The following UNC93B1 variants were observed in gnomAD, a reference collection of about 807,000 sequenced individuals.
UNC93B1 encodes the protein protein unc-93 homolog B1.
A neutral mutation model predicts 56.8 loss-of-function variants in UNC93B1; 33 were observed. That is an observed-to-expected ratio of 0.58 (90% CI 0.44 to 0.78). UNC93B1 has a LOEUF of 0.78. Among genes scored for constraint, UNC93B1 ranks in the 30% least tolerant of loss-of-function variants. The pLI, the probability that UNC93B1 is intolerant of heterozygous loss-of-function variation, is 0.00. For missense variants in UNC93B1, 673 were observed against 819.5 expected, an observed-to-expected ratio of 0.82 and a Z score of 2.18; for synonymous variants, 334 against 358.6, an observed-to-expected ratio of 0.93 and a Z score of 0.77.
Position 68,003,547 on chromosome 11 carries a change from G to T in UNC93B1, c.238+110C>A. On this transcript the variant is annotated intron_variant, in intron 2 of 10. Coordinates refer to ENST00000227471, the MANE Select transcript of UNC93B1 (RefSeq NM_030930.4). The surrounding 1 kb of genome is among the most constrained non-coding windows in gnomAD (Gnocchi z 4.4). ...GGGGGGCCGTGGCTGCAGCTGCGAG[G>T]GCAGCGGAGGGGAAGTGAGAGCGGG... 3 of 1,391,148 alleles carry T rather than the reference G, an allele frequency of 2.2e-6. No homozygotes were observed. Among genetic ancestry groups the T allele is most frequent in the Non-Finnish European group, 2.8e-6 (3 of 1,066,994 alleles). The allele number at this position is 1,391,148 out of a possible 1,614,324, so 86.2% of individuals were successfully genotyped here. A position where few individuals can be genotyped will look rare whatever the true frequency, so the allele number is the denominator to read the frequency against.
At position 67,997,817 on chromosome 11, in the gene UNC93B1, G is replaced by A. The variant is rs377098262; in HGVS notation, c.782-18C>T. 4.2e-5 allele frequency: 68 copies of A among 1,602,114 alleles called. No homozygotes were observed. Among genetic ancestry groups the A allele is most frequent in the Non-Finnish European group, 4.8e-5 (56 of 1,178,508 alleles). The stretch of plus-strand genomic sequence containing the variant: ...GTTGGTGCCTGGGAAGGGTGGGGGT[G>A]AGGGCACCGTGAGCAGAGAGTAGGG... On this transcript the variant is annotated intron_variant, in intron 6 of 10. Coordinates refer to ENST00000227471, the MANE Select transcript of UNC93B1 (RefSeq NM_030930.4).
At position 67,995,571 on chromosome 11, in the gene UNC93B1, G is replaced by GCCC. The variant is rs753085511; in HGVS notation, c.1363+37_1363+39dup. 23 of 178,350 alleles carry GCCC rather than the reference G, an allele frequency of 1.3e-4. No homozygotes were observed. In the African/African-American group the frequency reaches 1.4e-3, roughly 11 times the overall value. 11.0% of individuals were successfully genotyped at this position (178,350 alleles called of 1,614,324 possible). On this transcript the variant is annotated intron_variant, in intron 9 of 10. Transcript: ENST00000227471. ...CCCACAGATAGCCATAAAGCCCCCTGCCCCGCCCCCCCCCCCCCAGTGCCC... is the reference window on the plus strand; with the variant it reads ...CCCACAGATAGCCATAAAGCCCCCTGCCCCCCCGCCCCCCCCCCCCCAGTGCCC...
chr11:68,003,674 G>C lies in UNC93B1; in HGVS notation c.221C>G (p.Thr74Ser). ...VLAASAGGML[T>S]YGVYLGLLQM... ...GCACCTACCCAGGTAGACGCCGTAG[G>C]TGAGCATGCCCCCGGCGCTGGCAGC... The change falls in exon 2 of 11, where the codon ACC becomes AGC. Residue 74 changes from threonine to serine, a missense_variant. By Grantham distance (58) the Thr-to-Ser change is moderately conservative. This residue lies in a region of UNC93B1 where 438 missense variants were observed against 465.9 expected (regional missense o/e 0.94). Transcript: ENST00000227471. This position sits in a 1 kb window ranked among gnomAD's most constrained non-coding sequence, Gnocchi z 4.4. 1 of 1,529,330 alleles carries C rather than the reference G, an allele frequency of 6.5e-7. No homozygotes were observed. The highest frequency in any genetic ancestry group is 8.7e-7 in the Non-Finnish European group (1 of 1,143,240). 94.7% of individuals were successfully genotyped at this position (1,529,330 alleles called of 1,614,324 possible).
chr11:67,998,219 C>T (rs2134362778), intron 6 of UNC93B1, 140 bp downstream of exon 6: 1 of 969,212 alleles, frequency 1.0e-6, no homozygotes, highest in Non-Finnish European at 1.6e-6. Context: ...CTACTTACTC[C>T]TACAGGGCCC....
Position 67,996,792 on chromosome 11 carries a change from C to T in UNC93B1, c.907-8G>A. On this transcript the variant is annotated splice_polypyrimidine_tract_variant and splice_region_variant and intron_variant, in intron 7 of 10. Coordinates refer to ENST00000227471, the MANE Select transcript of UNC93B1 (RefSeq NM_030930.4). ...TCCGCACAAACCCAGCACCTGCGAA[C>T]CCATTACTTGAAGGGGCGGCCAGCC... 1.3e-6 allele frequency: 2 copies of T among 1,535,674 alleles called. No individual in the cohort carries two copies. Among genetic ancestry groups the T allele is most frequent in the Non-Finnish European group, 1.8e-6 (2 of 1,135,168 alleles).
intron 3 of UNC93B1, among the ~76,000 whole-genome samples, chr11:68,000,396 G>A (rs1460222236): frequency 6.6e-6 from 1 of 152,196 alleles, no homozygotes; most frequent in African/African-American, 2.4e-5. Flanking sequence ...CAGGCACAGT[G>A]GCTCACATCT....
rs757812939 is a variant in UNC93B1 at position 67,995,707 on chromosome 11, C to T, written c.1267G>A (p.Ala423Thr). 9 of 1,548,350 alleles carry T rather than the reference C, an allele frequency of 5.8e-6. No individual in the cohort carries two copies. Among genetic ancestry groups the T allele is most frequent in the Non-Finnish European group, 7.8e-6 (9 of 1,146,906 alleles). ...LLLTFILFFWAPVPRVLQHSW... is the reference protein window; with the variant it reads ...LLLTFILFFWTPVPRVLQHSW... ...TGTTGCAGGACCCGAGGCACAGGGG[C>T]CCAGAAAAAGAGGATGAAGGTGAGC... The change falls in exon 9 of 11, where the codon GCC (alanine) becomes ACC (threonine). Residue 423 changes from alanine (A) to threonine (T), a missense_variant. Transcript: ENST00000227471.
At chr11:67,992,675 T>G (rs573663293) in intron 10 of UNC93B1, among the ~76,000 whole-genome samples, 30 of 148,684 alleles carry the variant, frequency 2.0e-4, no homozygotes, top group African/African-American at 7.5e-4. Flanking sequence ...CCTTTTTTTT[T>G]TTTTTGGAAG....
chr11:67,998,546 G>T, intron 5 of UNC93B1, 94 bp from the exon 6 acceptor site: 2 of 1,245,172 alleles, frequency 1.6e-6, no homozygotes, highest in Non-Finnish European at 2.3e-6. Context: ...CACAGCCTTG[G>T]GGGAACAGGG....
intron 5 of UNC93B1, 63 bp from the exon 6 acceptor site, chr11:67,998,515 T>C: frequency 6.4e-7 from 1 of 1,555,326 alleles, no homozygotes; most frequent in South Asian, 1.1e-5. Flanking sequence ...GACACAGGCA[T>C]GGTCTGGGGA....
At position 67,991,840 on chromosome 11, in the gene UNC93B1, C is replaced by T. The variant is rs756401436; in HGVS notation, c.1500G>A (p.Leu500=). ...CCGCGGCCGCCACCAGCGTCACCAG[C>T]AGCACCGCCAGCTTAGCCTGGGCGT... ...SLHMKAKLAV[L]LVTLVAAAVS... is the part of the protein sequence containing the mutation. The change falls in exon 11 of 11, where the codon CTG becomes CTA. Residue 500 remains leucine (L), a synonymous_variant. Coordinates refer to ENST00000227471, the MANE Select transcript of UNC93B1 (RefSeq NM_030930.4). The T allele has an allele frequency of 1.7e-5, 26 of 1,567,906 alleles. No individual in the cohort carries two copies. Among genetic ancestry groups the T allele is most frequent in the Middle Eastern group, 2.3e-4 (1 of 4,416 alleles).
In UNC93B1 at chr11:67,996,698, G is replaced by A. The variant is rs370873619; in HGVS notation, c.993C>T (p.Pro331=). 7.7e-6 allele frequency: 12 copies of A among 1,552,046 alleles called. No homozygotes were observed. Among genetic ancestry groups the A allele is most frequent in the African/African-American group, 6.8e-5 (5 of 73,066 alleles). Residue 331 remains proline, a synonymous_variant, in exon 8 of 11, where the codon CCC becomes CCT. Transcript: ENST00000227471. ...GGCGGTAGTCACGCACGTGCTTGAA[G>A]GGCAGCTGGAAGATGTTGCCCCAGC... ...SVGWGNIFQL[P]FKHVRDYRLR...
At chr11:67,994,214 C>T (rs1042429252) in intron 9 of UNC93B1, among the ~76,000 whole-genome samples, 42 of 152,164 alleles carry the variant, frequency 2.8e-4, no homozygotes, top group Admixed American at 2.0e-4. Context: ...TGAAGCTAAG[C>T]ATGGAGAGGG....
rs941866458 is a variant in UNC93B1, at chr11:67,995,895, A to G, written c.1090-11T>C. ...GCACACGCCATAGCCCTGCGGGGGG[A>G]CAAGGGGTGAGTGTTGAAGTCTGGA... On this transcript the variant is annotated splice_polypyrimidine_tract_variant and intron_variant, in intron 8 of 10. Transcript: ENST00000227471. 2.0e-6 allele frequency: 3 copies of G among 1,485,610 alleles called. No individual in the cohort carries two copies. The African/African-American group carries it at 4.2e-5, about 21-fold the overall frequency. The allele number at this position is 1,485,610 out of a possible 1,614,324, so 92.0% of individuals were successfully genotyped here.
chr11:68,002,300 G>C lies in UNC93B1; in HGVS notation c.392+722C>G, dbSNP rs1048408720. On this transcript the variant is annotated intron_variant, in intron 3 of 10. Coordinates refer to ENST00000227471, the MANE Select transcript of UNC93B1 (RefSeq NM_030930.4). ...TGCTGGTGGGACAGCATGGGTAGCC[G>C]ATTTCCTGGAGGGCTTAGATGGGGT... Among the ~76,000 whole-genome samples the C allele has an allele frequency of 2.6e-5, 4 of 152,216 alleles. No individual in the cohort carries two copies. The South Asian group carries it at 6.2e-4, about 24-fold the overall frequency.
intron 3 of UNC93B1, 55 bp from the exon 4 acceptor site, chr11:67,999,735 T>C (rs1857014623): frequency 6.3e-7 from 1 of 1,580,216 alleles, no homozygotes. Context: ...CACTGTGGCC[T>C]GAAGCCAAAC....
In UNC93B1 at chr11:68,003,148, T is replaced by C; in HGVS notation, c.266A>G (p.His89Arg). The change falls in exon 3 of 11, where the codon CAC becomes CGC. Residue 89 changes from histidine (H) to arginine (R), a missense_variant. Physicochemically the swap from His to Arg is conservative, Grantham distance 29. Around this residue, in one of 3 missense-constraint regions of UNC93B1, gnomAD observed 438 missense variants for 465.9 expected, o/e 0.94. Transcript: ENST00000227471. The surrounding 1 kb of genome is among the most constrained non-coding windows in gnomAD (Gnocchi z 4.4). ...CACCTCGCGGTAGGTCTCGTCGTAG[T>C]GCAGGATCAGCTGCATCTGCAGGAG... ...LGLLQMQLIL[H>R]YDETYREVKY... The C allele has an allele frequency of 5.0e-6, 8 of 1,613,040 alleles. No individual in the cohort carries two copies. Among genetic ancestry groups the C allele is most frequent in the Non-Finnish European group, 6.8e-6 (8 of 1,179,790 alleles).
In UNC93B1 at chr11:67,995,819, G is replaced by A. The variant is rs200930438; in HGVS notation, c.1155C>T (p.Gly385=). The A allele has an allele frequency of 2.1e-3, 3,251 of 1,545,570 alleles. 19 individuals are homozygous for A. In the African/African-American group the frequency reaches 0.022, roughly 11 times the overall value. ...GGCCCAGGAGTGAGGCGGCTGAGGC[G>A]CCCAGGCTGTAAGCCACGAGGAGGT... ...LAYLLVAYSL[G]ASAASLLGLL... The change falls in exon 9 of 11, where the codon GGC becomes GGT. Residue 385 remains glycine (G), a synonymous_variant. Coordinates refer to ENST00000227471, the MANE Select transcript of UNC93B1 (RefSeq NM_030930.4).
At chr11:67,999,794 G>C in intron 3 of UNC93B1, 114 bp from the exon 4 acceptor site, 1 of 1,377,090 alleles carries the variant, frequency 7.3e-7, no homozygotes, top group Non-Finnish European at 9.8e-7. Context: ...GAGGTAGAGA[G>C]AGTCGAGGGC....
Sources: allele counts gnomAD v4.1 joint callset (sites outside exome capture counted in the v4.1 genomes callset), GRCh38; gene constraint gnomAD v4.1.1; regional missense constraint gnomAD v4.1.1; non-coding constraint Gnocchi (gnomAD v3.1); transcripts MANE v1.5; gene names NCBI Gene and HGNC (gene_info 2026-07-23, HGNC 2026-07-21).